JAM3: variants seen among roughly 807,000 people sequenced by gnomAD.
JAM3 encodes junctional adhesion molecule 3.
A neutral mutation model predicts 39.4 loss-of-function variants in JAM3; 31 were observed. The ratio of observed to expected loss-of-function variants is 0.79; its 90% CI spans 0.59 to 1.06. The LOEUF (loss-of-function observed/expected upper bound fraction) is 1.06. Ranked by LOEUF, JAM3 falls within the 50% of genes least tolerant of loss-of-function variation. The probability of loss-of-function intolerance (pLI) is 0.00; values close to 1 mark genes in which losing one functional copy is unlikely to be tolerated. For missense variants in JAM3, 455 were observed against 391.4 expected (o/e 1.16, Z -1.37); for synonymous variants, 182 against 148.7 (o/e 1.22, Z -1.63).
intron 1 of JAM3, among the ~76,000 whole-genome samples, chr11:134,120,382 A>T (rs190664263): frequency 1.1e-4 from 17 of 152,370 alleles, no homozygotes; most frequent in Admixed American, 2.0e-4. Context: ...AGAGCCAGAC[A>T]TGCATAAACT....
intron 6 of JAM3, among the ~76,000 whole-genome samples, 178 bp downstream of exon 6, chr11:134,146,223 C>T (rs1018838584): frequency 6.6e-6 from 1 of 152,158 alleles, no homozygotes; most frequent in Non-Finnish European, 1.5e-5. Flanking sequence ...AAAACCGAGT[C>T]CAGATAAGCA....
chr11:134,143,476 C>G (rs1943011670), intron 3 of JAM3, among the ~76,000 whole-genome samples: 1 of 152,192 alleles, frequency 6.6e-6, no homozygotes, highest in Non-Finnish European at 1.5e-5. Flanking sequence ...TCAAATAATC[C>G]TCCCACCTCA....
intron 1 of JAM3, among the ~76,000 whole-genome samples, chr11:134,136,543 G>A (rs1942868149): frequency 6.6e-6 from 1 of 152,150 alleles, no homozygotes. Flanking sequence ...GGATTATTTG[G>A]AAATAGAAGA....
chr11:134,094,480 C>A (rs1159335959), intron 1 of JAM3, among the ~76,000 whole-genome samples: 1 of 147,628 alleles, frequency 6.8e-6, no homozygotes, highest in African/African-American at 2.6e-5. Context: ...TTACATGTGA[C>A]TTCCTGAGGG....
In JAM3 at chr11:134,087,198, A is replaced by G. The variant is rs142882654; in HGVS notation, c.76+18039A>G. 5.0e-3 allele frequency among the ~76,000 whole-genome samples: 763 copies of G among 152,022 alleles called. 5 individuals are homozygous for G. Among genetic ancestry groups the G allele is most frequent in the African/African-American group, 0.016 (666 of 41,520 alleles). ...GATTATTGTGCCATGAAGTATTACA[A>G]TGAAGGAGATACACACACACGCACA... On this transcript the variant is annotated intron_variant, in intron 1 of 8. Coordinates refer to ENST00000299106, the MANE Select transcript of JAM3 (RefSeq NM_032801.5).
chr11:134,143,571 C>T (rs1247007600), intron 3 of JAM3, among the ~76,000 whole-genome samples: 1 of 152,212 alleles, frequency 6.6e-6, no homozygotes, highest in Non-Finnish European at 1.5e-5. Context: ...CTATTTCTTA[C>T]TGAAGTGTGA....
intron 1 of JAM3, among the ~76,000 whole-genome samples, chr11:134,116,726 G>T (rs754214779): frequency 1.3e-5 from 2 of 151,808 alleles, no homozygotes; most frequent in Non-Finnish European, 2.9e-5. Context: ...GTTATCAGGT[G>T]TCACTGCTTC....
At chr11:134,085,798 G>A (rs751079744) in intron 1 of JAM3, among the ~76,000 whole-genome samples, 2 of 152,194 alleles carry the variant, frequency 1.3e-5, no homozygotes, top group Admixed American at 6.5e-5. Context: ...AATATTCATT[G>A]ATAAGAGAAC....
chr11:134,092,803 A>G lies in JAM3; in HGVS notation c.76+23644A>G, dbSNP rs542075614. ...TCTTATTCATCATGTTCCATCTTAC[A>G]TGTCACTTCCTGAGGGAAGCTTCTC... On this transcript the variant is annotated intron_variant, in intron 1 of 8. Transcript: ENST00000299106. 6.4e-5 allele frequency among the ~76,000 whole-genome samples: 8 copies of G among 125,158 alleles called. No individual in the cohort carries two copies. In the East Asian group the frequency reaches 1.4e-3, roughly 22 times the overall value. The allele number at this position is 125,158 out of a possible 152,430, so 82.1% of individuals were successfully genotyped here.
chr11:134,095,950 T>C (rs1941974505), intron 1 of JAM3, among the ~76,000 whole-genome samples: 1 of 152,328 alleles, frequency 6.6e-6, no homozygotes, highest in South Asian at 2.1e-4. Context: ...AATGTTGATG[T>C]ACATGATGTC....
intron 1 of JAM3, among the ~76,000 whole-genome samples, chr11:134,127,066 A>G (rs1296106775): frequency 2.0e-5 from 3 of 152,256 alleles, no homozygotes; most frequent in Non-Finnish European, 4.4e-5. Context: ...ATAAAAACAA[A>G]ACACCAAAGC....
intron 1 of JAM3, among the ~76,000 whole-genome samples, chr11:134,107,911 C>T (rs760298551): frequency 2.0e-5 from 3 of 151,676 alleles, no homozygotes; most frequent in South Asian, 2.1e-4. Context: ...AGAAAAAGAA[C>T]ACATATTCAA....
chr11:134,151,357 A>G lies in JAM3; in HGVS notation c.*2176A>G, dbSNP rs1393122472. The G allele has an allele frequency of 6.6e-6, 1 of 152,000 alleles. No individual in the cohort carries two copies. Among genetic ancestry groups the G allele is most frequent in the Non-Finnish European group, 1.5e-5 (1 of 68,006 alleles). 9.4% of individuals were successfully genotyped at this position (152,000 alleles called of 1,614,324 possible). A position where few individuals can be genotyped will look rare whatever the true frequency, so the allele number is the denominator to read the frequency against. On this transcript the variant is annotated 3_prime_UTR_variant, in exon 9 of 9. Coordinates refer to ENST00000299106, the MANE Select transcript of JAM3 (RefSeq NM_032801.5). ...GCTTAGCATGCAAGTTCCCTCCATC[A>G]TTGCCACCTTGGTAGAGAGGGATGG...
At chr11:134,125,230 C>T (rs1168014540) in intron 1 of JAM3, among the ~76,000 whole-genome samples, 1 of 152,256 alleles carries the variant, frequency 6.6e-6, no homozygotes, top group South Asian at 2.1e-4. Context: ...CCTCTTCTCT[C>T]TCTCAACTTA....
intron 1 of JAM3, among the ~76,000 whole-genome samples, chr11:134,136,371 A>T (rs1186240032): frequency 1.3e-5 from 2 of 152,172 alleles, no homozygotes; most frequent in African/African-American, 4.8e-5. Context: ...GGCATTGGGC[A>T]GGATTCTGGA....
intron 1 of JAM3, among the ~76,000 whole-genome samples, chr11:134,095,713 C>CG (rs975847403): frequency 2.0e-5 from 3 of 152,046 alleles, no homozygotes; most frequent in African/African-American, 7.2e-5. Flanking sequence ...TAAAGCACTA[C>CG]GGAAGTACTC....
At chr11:134,118,117 A>G (rs1161019113) in intron 1 of JAM3, among the ~76,000 whole-genome samples, 1 of 152,206 alleles carries the variant, frequency 6.6e-6, no homozygotes, top group Non-Finnish European at 1.5e-5. Context: ...ATTAGGGATA[A>G]TGTATTTCCA....
At chr11:134,122,747 G>A (rs1262282169) in intron 1 of JAM3, among the ~76,000 whole-genome samples, 2 of 152,360 alleles carry the variant, frequency 1.3e-5, no homozygotes, top group Middle Eastern at 3.4e-3. Flanking sequence ...TCGAAAATAT[G>A]TGAATTCGCT....
At chr11:134,102,820 T>A (rs1942101198) in intron 1 of JAM3, among the ~76,000 whole-genome samples, 1 of 151,800 alleles carries the variant, frequency 6.6e-6, no homozygotes, top group Non-Finnish European at 1.5e-5. Context: ...GAGAAAAAAG[T>A]AAAAAGAAAC....
Sources: allele counts gnomAD v4.1 joint callset (sites outside exome capture counted in the v4.1 genomes callset), GRCh38; gene constraint gnomAD v4.1.1; transcripts MANE v1.5; gene names NCBI Gene and HGNC (gene_info 2026-07-23, HGNC 2026-07-21).